The following TRDN variants were observed in gnomAD, a reference collection of about 807,000 sequenced individuals.
TRDN encodes the protein triadin, also known as triadin in skeletal muscle.
A neutral mutation model predicts 149.7 loss-of-function variants in TRDN; 161 were observed. That is an observed-to-expected ratio of 1.08 (90% CI 0.95 to 1.23). TRDN has a LOEUF of 1.23. TRDN is among the 50% of genes most tolerant of loss of function. TRDN has a pLI of 0.00. For synonymous variants in TRDN, 294 were observed against 250.5 expected (o/e 1.17, Z -1.64); for missense variants, 896 against 823.5 (o/e 1.09, Z -1.08).
chr6:123,544,913 C>T (rs996049089), intron 4 of TRDN, among the ~76,000 whole-genome samples: 2 of 151,854 alleles, frequency 1.3e-5, no homozygotes, highest in Admixed American at 1.3e-4. Context: ...AATACTGCAA[C>T]CCTGAGATTA....
At chr6:123,355,128 C>T (rs1780612961) in intron 20 of TRDN, among the ~76,000 whole-genome samples, 1 of 151,324 alleles carries the variant, frequency 6.6e-6, no homozygotes, top group African/African-American at 2.4e-5. Flanking sequence ...ATGTTTTTTA[C>T]ATTGATTTGT....
chr6:123,427,762 T>G (rs1416591353), intron 12 of TRDN, among the ~76,000 whole-genome samples: 1 of 152,136 alleles, frequency 6.6e-6, no homozygotes, highest in Non-Finnish European at 1.5e-5. Flanking sequence ...CTGAATATAA[T>G]CTGGTTTATT....
intron 24 of TRDN, among the ~76,000 whole-genome samples, chr6:123,307,241 C>T (rs9320927): frequency 0.19 from 28,428 of 151,906 alleles, 3,584 homozygotes; most frequent in East Asian, 0.66. Flanking sequence ...TTTATCTTTT[C>T]ATTATTCCCA....
At chr6:123,274,256 A>G (rs1777298722) in intron 27 of TRDN, among the ~76,000 whole-genome samples, 1 of 152,134 alleles carries the variant, frequency 6.6e-6, no homozygotes, top group Non-Finnish European at 1.5e-5. Context: ...ACAATAGTCT[A>G]TAACTTTATG....
chr6:123,636,658 AG>A, intron 1 of TRDN, 95 bp downstream of exon 1: 3 of 1,460,214 alleles, frequency 2.1e-6, no homozygotes, highest in Non-Finnish European at 2.9e-6. Context: ...ATTACCTTAA[AG>A]CAACATTTTA....
At chr6:123,228,664 G>A (rs9490709) in intron 38 of TRDN, among the ~76,000 whole-genome samples, 1 of 151,870 alleles carries the variant, frequency 6.6e-6, no homozygotes, top group Non-Finnish European at 1.5e-5. Context: ...AGTTCAAGAT[G>A]AGATTTGGGT....
chr6:123,571,105 ATCACAG>A lies in TRDN; in HGVS notation c.44_49del (p.Thr15_Val16del), dbSNP rs1271763031. The A allele has an allele frequency of 6.2e-7, 1 of 1,613,824 alleles. No homozygotes were observed. The highest frequency in any genetic ancestry group is 8.5e-7 in the Non-Finnish European group (1 of 1,179,852). On this transcript the variant is annotated inframe_deletion, in exon 2 of 41. Coordinates refer to ENST00000334268, the MANE Select transcript of TRDN (RefSeq NM_006073.4). ...GGGCACAGATCCATTTTTGCTGTCT[ATCACAG>A]TTGTGGTTGTAGATGCATTTCCTAA...
At chr6:123,534,188 A>G (rs1472498143) in intron 4 of TRDN, among the ~76,000 whole-genome samples, 1 of 152,158 alleles carries the variant, frequency 6.6e-6, no homozygotes, top group South Asian at 2.1e-4. Flanking sequence ...TTTGTTTTAC[A>G]GGTACATTAT....
intron 12 of TRDN, among the ~76,000 whole-genome samples, chr6:123,419,216 A>T (rs1018991749): frequency 1.3e-5 from 2 of 152,128 alleles, no homozygotes; most frequent in African/African-American, 4.8e-5. Flanking sequence ...CCATAGAGAA[A>T]GGGTATAGAT....
intron 4 of TRDN, among the ~76,000 whole-genome samples, chr6:123,542,646 T>C (rs1361324395): frequency 2.0e-5 from 3 of 152,300 alleles, no homozygotes; most frequent in Non-Finnish European, 4.4e-5. Flanking sequence ...ATCTGTTAAG[T>C]TGCACTTAAA....
At chr6:123,437,357 T>G (rs1304391804) in intron 12 of TRDN, 1 of 317,856 alleles carries the variant, frequency 3.1e-6, no homozygotes, top group Non-Finnish European at 6.1e-6. Flanking sequence ...CTGTAAATTC[T>G]TTCTCTACTT....
At chr6:123,473,551 C>A (rs1417048015) in intron 9 of TRDN, among the ~76,000 whole-genome samples, 2 of 151,934 alleles carry the variant, frequency 1.3e-5, no homozygotes, top group East Asian at 1.9e-4. Context: ...CTTCCCCAAT[C>A]TAGCAAGGCA....
chr6:123,502,992 T>C, intron 8 of TRDN: 2 of 985,316 alleles, frequency 2.0e-6, no homozygotes, highest in Non-Finnish European at 2.4e-6. Flanking sequence ...GCTCTGTATA[T>C]TCACATAGCA....
At chr6:123,596,834 T>C (rs1006665978) in intron 1 of TRDN, among the ~76,000 whole-genome samples, 1 of 152,064 alleles carries the variant, frequency 6.6e-6, no homozygotes, top group Non-Finnish European at 1.5e-5. Flanking sequence ...AAAAAATATA[T>C]GTATATATTT....
chr6:123,397,409 C>T (rs778122330), intron 12 of TRDN, among the ~76,000 whole-genome samples: 11 of 152,152 alleles, frequency 7.2e-5, no homozygotes, highest in Non-Finnish European at 1.3e-4. Flanking sequence ...CGTACAACTT[C>T]CCTTCCTACT....
intron 9 of TRDN, among the ~76,000 whole-genome samples, chr6:123,467,922 A>T (rs1232784924): frequency 6.6e-6 from 1 of 152,198 alleles, no homozygotes; most frequent in Non-Finnish European, 1.5e-5. Flanking sequence ...CAGATCTGTC[A>T]CTTAGAAGCT....
At chr6:123,521,890 T>C (rs1779698442) in intron 5 of TRDN, among the ~76,000 whole-genome samples, 2 of 152,164 alleles carry the variant, frequency 1.3e-5, no homozygotes, top group African/African-American at 4.8e-5. Flanking sequence ...CGTGGTATAA[T>C]TGTGTATTTA....
At chr6:123,354,748 A>G (rs919124032) in intron 20 of TRDN, among the ~76,000 whole-genome samples, 1 of 151,736 alleles carries the variant, frequency 6.6e-6, no homozygotes, top group Non-Finnish European at 1.5e-5. Flanking sequence ...AAGATTAGAC[A>G]GTGTGAGGAA....
At chr6:123,564,420 G>A (rs912180443) in intron 2 of TRDN, among the ~76,000 whole-genome samples, 1 of 152,186 alleles carries the variant, frequency 6.6e-6, no homozygotes, top group Non-Finnish European at 1.5e-5. Flanking sequence ...GTGTATATGA[G>A]TGTAAAATTA....
Sources: allele counts gnomAD v4.1 joint callset (sites outside exome capture counted in the v4.1 genomes callset), GRCh38; gene constraint gnomAD v4.1.1; transcripts MANE v1.5; gene names NCBI Gene and HGNC (gene_info 2026-07-23, HGNC 2026-07-21).